Variants in SHLD1 observed in about 807,000 individuals in gnomAD.
The protein encoded by SHLD1 is shieldin complex subunit 1, also known as RINN1-REV7-interacting novel NHEJ regulator 3.
A neutral mutation model predicts 5.5 loss-of-function variants in SHLD1; 3 were observed. The observed-to-expected ratio is 0.54, with a 90% CI of 0.25 to 1.40. The LOEUF (loss-of-function observed/expected upper bound fraction) is 1.40, where lower values mean the gene tolerates loss of function less well. Among genes scored for constraint, SHLD1 ranks in the 40% most tolerant of loss-of-function variants. SHLD1 has a pLI of 0.15. For synonymous variants in SHLD1, 92 were observed against 94.3 expected, an observed-to-expected ratio of 0.98 and a Z score of 0.14; for missense variants, 210 against 244.4, an observed-to-expected ratio of 0.86 and a Z score of 0.94.
At chr20:5,821,568 A>G (rs2087606593) in intron 2 of SHLD1, among the ~76,000 whole-genome samples, 1 of 152,176 alleles carries the variant, frequency 6.6e-6, no homozygotes, top group Admixed American at 6.5e-5. Context: ...ATATTGAGGG[A>G]TAGGGAATTT....
At chr20:5,768,225 T>G (rs946194840) in intron 1 of SHLD1, among the ~76,000 whole-genome samples, 48 of 152,144 alleles carry the variant, frequency 3.2e-4, no homozygotes, top group African/African-American at 1.1e-3. Flanking sequence ...CCACCCGCCT[T>G]GGCCTCCCAA....
At chr20:5,800,598 G>C (rs1240553862) in intron 2 of SHLD1, among the ~76,000 whole-genome samples, 1 of 152,164 alleles carries the variant, frequency 6.6e-6, no homozygotes, top group Admixed American at 6.6e-5. Flanking sequence ...GCTGAGAAAG[G>C]AGAATTGCTT....
At chr20:5,763,946 T>TAAAAAAAAA (rs1233102331) in intron 1 of SHLD1, among the ~76,000 whole-genome samples, 23 of 70,172 alleles carry the variant, frequency 3.3e-4, no homozygotes, top group South Asian at 5.5e-4. Flanking sequence ...CCGTCTTTAC[T>TAAAAAAAAA]AAAAAAAAAA....
intron 1 of SHLD1, among the ~76,000 whole-genome samples, chr20:5,769,068 G>A (rs931213420): frequency 1.3e-5 from 2 of 152,038 alleles, no homozygotes; most frequent in Non-Finnish European, 2.9e-5. Flanking sequence ...ACCATACTTG[G>A]CTAATTTTTA....
intron 2 of SHLD1, among the ~76,000 whole-genome samples, chr20:5,810,193 G>A (rs1049537393): frequency 9.9e-5 from 15 of 151,938 alleles, no homozygotes; most frequent in Middle Eastern, 3.4e-3. Flanking sequence ...GGTGGTGGAG[G>A]TTGCAGTGAG....
chr20:5,823,123 A>G (rs1256777972), intron 2 of SHLD1, among the ~76,000 whole-genome samples: 2 of 150,988 alleles, frequency 1.3e-5, no homozygotes, highest in Non-Finnish European at 2.9e-5. Flanking sequence ...AGCGTTTTAC[A>G]CTGTTGATCC....
intron 2 of SHLD1, among the ~76,000 whole-genome samples, chr20:5,834,156 C>T (rs1302528246): frequency 6.6e-6 from 1 of 152,174 alleles, no homozygotes; most frequent in East Asian, 1.9e-4. Flanking sequence ...CCATTCCTGT[C>T]TGAGCCTTCT....
intron 2 of SHLD1, among the ~76,000 whole-genome samples, chr20:5,813,225 C>T (rs992361121): frequency 4.1e-4 from 62 of 151,974 alleles, no homozygotes; most frequent in Admixed American, 1.2e-3. Flanking sequence ...CTGTGGCTCA[C>T]GTCTGTAATC....
Position 5,863,238 on chromosome 20 carries a change from A to G in SHLD1, c.393A>G (p.Gln131=), listed in dbSNP as rs775960414. The G allele has an allele frequency of 1.2e-6, 2 of 1,614,086 alleles. No homozygotes were observed. The highest frequency in any genetic ancestry group is 2.2e-5 in the South Asian group (2 of 91,078). ...VCKCLSQKIT[Q]LRGQESQKYA... ...AGTGCCTGTCTCAGAAAATCACTCA[A>G]CTAAGAGGCCAGGAGAGCCAAAAGT... Residue 131 remains glutamine (Q), a synonymous_variant, in exon 3 of 3, where the codon CAA becomes CAG. Transcript: ENST00000303142.
chr20:5,799,897 A>G (rs2087267135), intron 2 of SHLD1, among the ~76,000 whole-genome samples: 1 of 152,234 alleles, frequency 6.6e-6, no homozygotes, highest in Non-Finnish European at 1.5e-5. Context: ...CATTGGAACC[A>G]TACTTGTGTC....
intron 2 of SHLD1, among the ~76,000 whole-genome samples, chr20:5,838,513 C>T (rs1398790090): frequency 6.6e-6 from 1 of 152,166 alleles, no homozygotes; most frequent in South Asian, 2.1e-4. Context: ...GTAATCCCAA[C>T]ACTTTGGGAG....
intron 1 of SHLD1, among the ~76,000 whole-genome samples, chr20:5,753,098 C>T (rs538713555): frequency 9.7e-4 from 147 of 152,158 alleles, no homozygotes; most frequent in Non-Finnish European, 9.6e-4. Flanking sequence ...CGCACCTGGC[C>T]GACATAAAAT....
rs1226289435 is a variant in SHLD1 at position 5,803,435 on chromosome 20, T to C, written c.178+30392T>C. Among the ~76,000 whole-genome samples, 4 of 152,280 alleles carry C rather than the reference T, an allele frequency of 2.6e-5. No homozygotes were observed. In the South Asian group the frequency reaches 8.3e-4, roughly 32 times the overall value. On this transcript the variant is annotated intron_variant, in intron 2 of 2. Transcript: ENST00000303142. ...CCTTCCGTCTCAGCCTCCCAAAGCATTGGGATTATAGGCATGAGCCACCAA... is the reference window on the plus strand; with the variant it reads ...CCTTCCGTCTCAGCCTCCCAAAGCACTGGGATTATAGGCATGAGCCACCAA...
chr20:5,759,597 A>C lies in SHLD1; in HGVS notation c.-5+9118A>C, dbSNP rs950480504. On this transcript the variant is annotated intron_variant, in intron 1 of 2. Coordinates refer to ENST00000303142, the MANE Select transcript of SHLD1 (RefSeq NM_152504.4). The stretch of plus-strand genomic sequence containing the variant: ...TGCTCAGGCTGGAGTGCAGTGGCAT[A>C]ATCACAGCTGACTGTAGCCTCGACC... Among the ~76,000 whole-genome samples the C allele has an allele frequency of 5.9e-5, 9 of 152,130 alleles. No individual in the cohort carries two copies. In the East Asian group the frequency reaches 1.5e-3, roughly 26 times the overall value.
At chr20:5,773,969 C>T (rs573973295) in intron 2 of SHLD1, among the ~76,000 whole-genome samples, 3 of 152,038 alleles carry the variant, frequency 2.0e-5, no homozygotes, top group East Asian at 3.8e-4. Flanking sequence ...TTTGGGAGGC[C>T]GAGGCGGGTG....
At chr20:5,767,355 G>A (rs752113834) in intron 1 of SHLD1, among the ~76,000 whole-genome samples, 5 of 151,982 alleles carry the variant, frequency 3.3e-5, no homozygotes, top group Non-Finnish European at 7.4e-5. Context: ...TGCCCAGGCT[G>A]GTCTCAAATT....
chr20:5,829,675 T>C (rs891978143), intron 2 of SHLD1, among the ~76,000 whole-genome samples: 6 of 152,332 alleles, frequency 3.9e-5, no homozygotes, highest in Admixed American at 3.9e-4. Context: ...GGGGTTTGCA[T>C]AGAAGCAATT....
rs550868204 is a variant in SHLD1, at chr20:5,829,024, C to G, written c.179-34000C>G. ...GAGTAGCCGAGACTACAGGCATGCA[C>G]CACCATGCCTGGCTCATTTTTTGAA... On this transcript the variant is annotated intron_variant, in intron 2 of 2. Coordinates refer to ENST00000303142, the MANE Select transcript of SHLD1 (RefSeq NM_152504.4). 2.0e-5 allele frequency among the ~76,000 whole-genome samples: 3 copies of G among 152,260 alleles called. No homozygotes were observed. The South Asian group carries it at 6.2e-4, about 32-fold the overall frequency.
chr20:5,772,773 C>G, intron 1 of SHLD1, 89 bp from the exon 2 acceptor site: 2 of 1,237,280 alleles, frequency 1.6e-6, no homozygotes, highest in Non-Finnish European at 2.2e-6. Context: ...AAATAAAAAA[C>G]AAATAAAATT....
Sources: allele counts gnomAD v4.1 joint callset (sites outside exome capture counted in the v4.1 genomes callset), GRCh38; gene constraint gnomAD v4.1.1; transcripts MANE v1.5; gene names NCBI Gene and HGNC (gene_info 2026-07-23, HGNC 2026-07-21).